Variants in CHD5 observed in about 807,000 individuals in gnomAD.
CHD5 encodes the protein ATP-dependent chromatin remodeler CHD5.
A neutral mutation model predicts 230.3 loss-of-function variants in CHD5; 69 were observed. The ratio of observed to expected loss-of-function variants is 0.30; its 90% CI spans 0.25 to 0.37. CHD5 has a LOEUF of 0.37. Ranked by LOEUF, CHD5 falls within the 10% of genes least tolerant of loss-of-function variation. CHD5 has a pLI of 1.00. For missense variants in CHD5, 1,827 were observed against 2,622.8 expected (o/e 0.70, Z 6.63); for synonymous variants, 1,064 against 1,065.9 (o/e 1.00, Z 0.03).
In CHD5 at chr1:6,155,787, T is replaced by C. The variant is rs1334976564; in HGVS notation, c.388-70A>G. On this transcript the variant is annotated intron_variant, in intron 3 of 41. Transcript: ENST00000262450. The surrounding 1 kb of genome is among the most constrained non-coding windows in gnomAD (Gnocchi z 4.0). Reference sequence around the variant, plus strand: ...GACCTGCACCCCCATCCCCAGGGTCTCTGCCTAGGAGGCTTTGGCACAGGG... The same window carrying C: ...GACCTGCACCCCCATCCCCAGGGTCCCTGCCTAGGAGGCTTTGGCACAGGG... 8.0e-7 allele frequency: 1 copy of C among 1,248,090 alleles called. No individual in the cohort carries two copies. The highest frequency in any genetic ancestry group is 2.3e-5 in the East Asian group (1 of 43,064). The allele number at this position is 1,248,090 out of a possible 1,614,324, so 77.3% of individuals were successfully genotyped here.
Position 6,128,950 on chromosome 1 carries a change from G to C in CHD5, c.3507C>G (p.Thr1169=). The C allele has an allele frequency of 1.2e-6, 2 of 1,613,206 alleles. No homozygotes were observed. Among genetic ancestry groups the C allele is most frequent in the Non-Finnish European group, 1.7e-6 (2 of 1,179,988 alleles). ...CGAGGCCGGGCCGCACCACCAGGTG[G>C]GTGAGCATCATCTTGCGCTTGGCCA... ...TQVAKRKMML[T]HLVVRPGLGS... The change falls in exon 23 of 42, where the codon ACC becomes ACG. Residue 1169 remains threonine, a synonymous_variant. Transcript: ENST00000262450. This position sits in a 1 kb window ranked among gnomAD's most constrained non-coding sequence, Gnocchi z 7.8.
In CHD5 at chr1:6,134,444, C is replaced by T. The variant is rs558127709; in HGVS notation, c.3013-185G>A. On this transcript the variant is annotated intron_variant, in intron 19 of 41. Transcript: ENST00000262450. The surrounding 1 kb of genome is among the most constrained non-coding windows in gnomAD (Gnocchi z 6.3). ...AGTGCGGGGTAGACCGTGGGTCCCA[C>T]GGCCCTGGCTCCAGGCCCCCCGTTC... is the stretch of plus-strand genomic sequence containing the variant. Among the ~76,000 whole-genome samples, 204 of 152,326 alleles carry T rather than the reference C, an allele frequency of 1.3e-3. No homozygotes were observed. Among genetic ancestry groups the T allele is most frequent in the Non-Finnish European group, 5.7e-4 (39 of 68,030 alleles).
intron 1 of CHD5, among the ~76,000 whole-genome samples, chr1:6,173,798 C>T (rs748480470): frequency 1.3e-5 from 2 of 152,164 alleles, no homozygotes; most frequent in Non-Finnish European, 2.9e-5. Context: ...TAGACGCTGG[C>T]CAAGGAGTTC....
At chr1:6,113,240 T>C (rs547375202) in intron 33 of CHD5, 11 of 490,506 alleles carry the variant, frequency 2.2e-5, no homozygotes, top group East Asian at 1.5e-4. Context: ...CCTGGCAACA[T>C]AGTGAAATCT....
At chr1:6,165,641 T>C (rs1190041576) in intron 2 of CHD5, among the ~76,000 whole-genome samples, 1 of 151,538 alleles carries the variant, frequency 6.6e-6, no homozygotes, top group African/African-American at 2.4e-5. Flanking sequence ...CTCGGTGTCT[T>C]CATCCCAGGG....
chr1:6,157,393 C>CACTG (rs2100871011), intron 3 of CHD5, among the ~76,000 whole-genome samples: 1 of 152,380 alleles, frequency 6.6e-6, no homozygotes, highest in African/African-American at 2.4e-5. Flanking sequence ...CTGAGCCCAA[C>CACTG]ACTGCCACAG....
chr1:6,163,151 T>G (rs1361191587), intron 2 of CHD5, among the ~76,000 whole-genome samples: 1 of 152,178 alleles, frequency 6.6e-6, no homozygotes, highest in African/African-American at 2.4e-5. Context: ...CAGCACAGAA[T>G]GGGCTCAGAC....
intron 2 of CHD5, among the ~76,000 whole-genome samples, chr1:6,160,386 T>TAGCCAGGGAAGGGCCCC (rs1254989966): frequency 1.8e-5 from 1 of 55,820 alleles, no homozygotes; most frequent in African/African-American, 7.1e-5. Context: ...AGAAGAGCCC[T>TAGCCAGGGAAGGGCCCC]AGCCAGGGAA....
At chr1:6,149,518 GGGTGGATGGAAA>G in intron 7 of CHD5, 106 bp from the exon 8 acceptor site, 1 of 1,150,932 alleles carries the variant, frequency 8.7e-7, no homozygotes, top group Non-Finnish European at 1.2e-6. Context: ...GTCTAATAGA[GGGTGGATGGAAA>G]GGTGGGTGGG....
At position 6,130,085 on chromosome 1, in the gene CHD5, G is replaced by A; in HGVS notation, c.3387+119C>T. ...GGGCCGAGACTCCACGGGGGAGGGA[G>A]GCCCACAGCACCAGGATAGGTGAGG... On this transcript the variant is annotated intron_variant, in intron 22 of 41. Coordinates refer to ENST00000262450, the MANE Select transcript of CHD5 (RefSeq NM_015557.3). The surrounding 1 kb of genome is among the most constrained non-coding windows in gnomAD (Gnocchi z 4.9). 4 of 1,185,486 alleles carry A rather than the reference G, an allele frequency of 3.4e-6. No individual in the cohort carries two copies. The highest frequency in any genetic ancestry group is 2.8e-5 in the South Asian group (2 of 72,566). 73.4% of individuals were successfully genotyped at this position (1,185,486 alleles called of 1,614,324 possible).
chr1:6,155,497 C>G lies in CHD5; in HGVS notation c.506+102G>C. 2 of 1,018,710 alleles carry G rather than the reference C, an allele frequency of 2.0e-6. No homozygotes were observed. Among genetic ancestry groups the G allele is most frequent in the Non-Finnish European group, 3.0e-6 (2 of 660,162 alleles). 63.1% of individuals were successfully genotyped at this position (1,018,710 alleles called of 1,614,324 possible). ...TGCTCAGTCGGTCTGACAGAGCCCA[C>G]CCCTACCCCAGGTGCCGGGGCTTCA... On this transcript the variant is annotated intron_variant, in intron 4 of 41. Transcript: ENST00000262450. The surrounding 1 kb of genome is among the most constrained non-coding windows in gnomAD (Gnocchi z 4.0).
In CHD5 at chr1:6,146,415, C is replaced by A. The variant is rs148444521; in HGVS notation, c.1599G>T (p.Leu533=). ...CSWVKELQLE[L]YHTVMYRNYQ... is the part of the protein sequence containing the mutation. ...AGTTGCGATACATCACCGTGTGGTA[C>A]AGCTCCAGCTGCTCATGGAGCGGCA... Residue 533 remains leucine (L), a synonymous_variant, in exon 11 of 42, where the codon CTG becomes CTT. Transcript: ENST00000262450. This position sits in a 1 kb window ranked among gnomAD's most constrained non-coding sequence, Gnocchi z 5.1. 13 of 1,613,288 alleles carry A rather than the reference C, an allele frequency of 8.1e-6. No homozygotes were observed. In the African/African-American group the frequency reaches 1.7e-4, roughly 22 times the overall value.
At chr1:6,141,581 C>T (rs982006669) in intron 15 of CHD5, among the ~76,000 whole-genome samples, 1 of 152,012 alleles carries the variant, frequency 6.6e-6, no homozygotes, top group African/African-American at 2.4e-5. Flanking sequence ...CCCCACTGCA[C>T]TCCAGCCTGG....
intron 1 of CHD5, among the ~76,000 whole-genome samples, chr1:6,168,697 A>C (rs1444563133): frequency 1.3e-5 from 2 of 152,162 alleles, no homozygotes; most frequent in Non-Finnish European, 2.9e-5. Flanking sequence ...CAGAGAGAGG[A>C]CCACAGTGTG....
intron 1 of CHD5, among the ~76,000 whole-genome samples, chr1:6,169,324 G>A (rs1667301600): frequency 6.6e-6 from 1 of 152,226 alleles, no homozygotes; most frequent in Non-Finnish European, 1.5e-5. Context: ...GAGAGACGCC[G>A]TGCCCAGCAC....
rs549593143 is a variant in CHD5, at chr1:6,121,295, C to T, written c.4780-58G>A. The T allele has an allele frequency of 5.1e-5, 80 of 1,581,022 alleles. No individual in the cohort carries two copies. The South Asian group carries it at 8.1e-4, about 16-fold the overall frequency. On this transcript the variant is annotated intron_variant, in intron 32 of 41. Transcript: ENST00000262450. The surrounding 1 kb of genome is among the most constrained non-coding windows in gnomAD (Gnocchi z 4.5). Reference sequence around the variant, plus strand: ...CTGGGGCCTCACCAGGAACGGAGGGCGGGGAACGTGCGCTGGGCTGGGAAC... The same window carrying T: ...CTGGGGCCTCACCAGGAACGGAGGGTGGGGAACGTGCGCTGGGCTGGGAAC...
At chr1:6,106,336 G>A (rs374579994) in intron 40 of CHD5, 49 bp from the exon 41 acceptor site, 34 of 1,612,218 alleles carry the variant, frequency 2.1e-5, no homozygotes, top group Admixed American at 3.3e-5. Context: ...GGCAGCAGCA[G>A]GCAGGCCGGG....
rs1667488857 is a variant in CHD5, at chr1:6,179,963, T to C, written c.61A>G (p.Asn21Asp). The C allele has an allele frequency of 1.5e-6, 2 of 1,366,832 alleles. No homozygotes were observed. The highest frequency in any genetic ancestry group is 1.5e-5 in the African/African-American group (1 of 64,932). 84.7% of individuals were successfully genotyped at this position (1,366,832 alleles called of 1,614,324 possible). The change falls in exon 1 of 42, where the codon AAT becomes GAT. Residue 21 changes from asparagine (N) to aspartate (D), a missense_variant. By Grantham distance (23) the Asn-to-Asp change is conservative. Transcript: ENST00000262450. ...LPRLFAEEME[N>D]EDEMSEEEDG... is the part of the protein sequence containing the mutation. ...CGCTCACCTGACATCTCGTCCTCAT[T>C]CTCCATCTCCTCGGCGAACAGCCGC... is the stretch of plus-strand genomic sequence containing the variant.
At chr1:6,110,327 T>C in intron 37 of CHD5, 67 bp downstream of exon 37, 1 of 1,590,992 alleles carries the variant, frequency 6.3e-7, no homozygotes, top group South Asian at 1.1e-5. Flanking sequence ...TTCCTTTGCC[T>C]TTGCGAGGGT....
Sources: gnomAD v4.1 joint callset for allele counts (sites outside exome capture counted in the v4.1 genomes callset) on GRCh38, gnomAD v4.1.1 for gene constraint, Gnocchi (gnomAD v3.1) non-coding constraint, MANE v1.5 for transcripts, NCBI Gene and HGNC (gene_info 2026-07-23, HGNC 2026-07-21) for gene names.